MSRA: variants seen among roughly 807,000 people sequenced by gnomAD.
MSRA encodes the protein methionine sulfoxide reductase A, also known as mitochondrial peptide methionine sulfoxide reductase.
A neutral mutation model predicts 31.3 loss-of-function variants in MSRA; 54 were observed. The observed-to-expected ratio is 1.73, with a 90% CI of 1.39 to 2.17. MSRA has a LOEUF of 2.17. Among genes scored for constraint, MSRA ranks in the 30% most tolerant of loss-of-function variants. The pLI, the probability that MSRA is intolerant of heterozygous loss-of-function variation, is 0.00. For synonymous variants in MSRA, 169 were observed against 116.5 expected, an observed-to-expected ratio of 1.45 and a Z score of -2.90; for missense variants, 507 against 300.9, an observed-to-expected ratio of 1.69 and a Z score of -5.07.
chr8:10,237,946 C>G (rs1359485558), intron 2 of MSRA, among the ~76,000 whole-genome samples: 1 of 152,168 alleles, frequency 6.6e-6, no homozygotes, highest in Non-Finnish European at 1.5e-5. Context: ...CCGAGGACAG[C>G]CAGAGTGATT....
intron 5 of MSRA, among the ~76,000 whole-genome samples, chr8:10,326,974 GA>G (rs1174534819): frequency 6.6e-6 from 1 of 152,126 alleles, no homozygotes; most frequent in African/African-American, 2.4e-5. Context: ...CTTGAAATGT[GA>G]AAGACAGCAA....
intron 1 of MSRA, among the ~76,000 whole-genome samples, chr8:10,182,441 T>C (rs1271944141): frequency 6.6e-6 from 1 of 152,186 alleles, no homozygotes; most frequent in Non-Finnish European, 1.5e-5. Flanking sequence ...CTTCAGAGTC[T>C]CTCACAAGGC....
rs1310781739 is a variant in MSRA at position 10,343,832 on chromosome 8, T to G, written c.543+23843T>G. Among the ~76,000 whole-genome samples the G allele has an allele frequency of 2.6e-5, 4 of 152,176 alleles. No homozygotes were observed. The South Asian group carries it at 6.2e-4, about 24-fold the overall frequency. On this transcript the variant is annotated intron_variant, in intron 5 of 5. Coordinates refer to ENST00000317173, the MANE Select transcript of MSRA (RefSeq NM_012331.5). ...TTTAAAATAATCTCTTATAAATAAC[T>G]AGTTTTATCTACCCAAACAAAGAAA...
chr8:10,164,118 A>C (rs981840124), intron 1 of MSRA, among the ~76,000 whole-genome samples: 2 of 152,158 alleles, frequency 1.3e-5, no homozygotes, highest in Admixed American at 1.3e-4. Flanking sequence ...GCATACTTAC[A>C]CAGCTAGCGT....
intron 1 of MSRA, among the ~76,000 whole-genome samples, chr8:10,081,220 G>A (rs1163728405): frequency 2.0e-5 from 3 of 152,212 alleles, no homozygotes; most frequent in Admixed American, 6.5e-5. Context: ...CTGATTCCAC[G>A]TGGAGGGGCC....
intron 5 of MSRA, among the ~76,000 whole-genome samples, chr8:10,395,460 T>C (rs557989211): frequency 6.6e-6 from 1 of 152,142 alleles, no homozygotes; most frequent in Admixed American, 6.5e-5. Flanking sequence ...AAGAAACATT[T>C]AGCTGTATTT....
chr8:10,330,833 G>A (rs1802652954), intron 5 of MSRA, among the ~76,000 whole-genome samples: 1 of 152,156 alleles, frequency 6.6e-6, no homozygotes, highest in South Asian at 2.1e-4. Context: ...AAAGAAGCCC[G>A]TTTTGTTGCC....
chr8:10,395,383 G>C (rs1361640502), intron 5 of MSRA, among the ~76,000 whole-genome samples: 6 of 152,226 alleles, frequency 3.9e-5, no homozygotes, highest in Non-Finnish European at 8.8e-5. Context: ...ATTATAGGAT[G>C]TGTGTAGAAA....
At chr8:10,147,069 G>A (rs1803206548) in intron 1 of MSRA, among the ~76,000 whole-genome samples, 1 of 152,204 alleles carries the variant, frequency 6.6e-6, no homozygotes, top group Admixed American at 6.5e-5. Context: ...GCCGGTTGCA[G>A]TGAGAGTCGA....
chr8:10,258,560 C>T (rs2975691), intron 3 of MSRA, among the ~76,000 whole-genome samples: 1 of 152,180 alleles, frequency 6.6e-6, no homozygotes, highest in Non-Finnish European at 1.5e-5. Flanking sequence ...AAGGCCGTGT[C>T]TGAGGATCCC....
At chr8:10,255,934 G>T (rs1056789215) in intron 3 of MSRA, among the ~76,000 whole-genome samples, 1 of 151,976 alleles carries the variant, frequency 6.6e-6, no homozygotes, top group Admixed American at 6.6e-5. Flanking sequence ...CACCATGCCC[G>T]CTATCAACAT....
At chr8:10,116,617 G>C (rs1410148617) in intron 1 of MSRA, among the ~76,000 whole-genome samples, 1 of 152,164 alleles carries the variant, frequency 6.6e-6, no homozygotes, top group Non-Finnish European at 1.5e-5. Flanking sequence ...TAGACACCTA[G>C]GATGCTGCAG....
chr8:10,262,550 C>T (rs1017560992), intron 3 of MSRA, among the ~76,000 whole-genome samples: 2 of 151,940 alleles, frequency 1.3e-5, no homozygotes, highest in African/African-American at 4.8e-5. Flanking sequence ...AGATCTTTTG[C>T]CCATTTTTTA....
intron 5 of MSRA, among the ~76,000 whole-genome samples, chr8:10,385,498 A>G (rs1449560729): frequency 1.3e-5 from 2 of 152,154 alleles, no homozygotes; most frequent in African/African-American, 4.8e-5. Flanking sequence ...CAGGGCTGAA[A>G]GATGGGACAG....
At position 10,268,099 on chromosome 8, in the gene MSRA, A is replaced by G. The variant is rs562438722; in HGVS notation, c.331+22876A>G. 2.1e-4 allele frequency among the ~76,000 whole-genome samples: 32 copies of G among 152,312 alleles called. No individual in the cohort carries two copies. The South Asian group carries it at 2.5e-3, about 12-fold the overall frequency. On this transcript the variant is annotated intron_variant, in intron 3 of 5. Transcript: ENST00000317173. The stretch of plus-strand genomic sequence containing the variant: ...TTTATAACTCTAGTGCCATTTCATA[A>G]GCATTTGATGAATAAACAACTAAAT...
chr8:10,393,320 G>A (rs539084456), intron 5 of MSRA, among the ~76,000 whole-genome samples: 3 of 152,192 alleles, frequency 2.0e-5, no homozygotes, highest in South Asian at 4.1e-4. Context: ...TTCTTCCATC[G>A]AATTTTCCAT....
chr8:10,228,438 T>C (rs531539785), intron 2 of MSRA, among the ~76,000 whole-genome samples: 21 of 152,042 alleles, frequency 1.4e-4, no homozygotes, highest in Non-Finnish European at 2.9e-4. Flanking sequence ...CTCCATAAAA[T>C]TATGCTCCCT....
intron 5 of MSRA, among the ~76,000 whole-genome samples, chr8:10,419,520 T>C (rs1297184390): frequency 6.6e-6 from 1 of 152,186 alleles, no homozygotes; most frequent in Non-Finnish European, 1.5e-5. Context: ...AGTAGCCTGA[T>C]GACGTGAGAT....
Position 10,290,708 on chromosome 8 carries a change from C to A in MSRA, c.332-10826C>A, listed in dbSNP as rs142119475. 3.2e-4 allele frequency among the ~76,000 whole-genome samples: 49 copies of A among 152,288 alleles called. No homozygotes were observed. In the East Asian group the frequency reaches 8.5e-3, roughly 26 times the overall value. On this transcript the variant is annotated intron_variant, in intron 3 of 5. Coordinates refer to ENST00000317173, the MANE Select transcript of MSRA (RefSeq NM_012331.5). ...CTCTCCTTGTGTAGCCCACTGACAA[C>A]AAGGCACACACAGACCTCTTTTTAA...
Sources: allele counts gnomAD v4.1 joint callset (sites outside exome capture counted in the v4.1 genomes callset), GRCh38; gene constraint gnomAD v4.1.1; transcripts MANE v1.5; gene names NCBI Gene and HGNC (gene_info 2026-07-23, HGNC 2026-07-21).